IRF2: variants seen among roughly 807,000 people sequenced by gnomAD.
The protein encoded by IRF2 is interferon regulatory factor 2.
In IRF2, 15 loss-of-function variants were observed where a neutral mutation model predicts 40.6. The observed-to-expected ratio is 0.37, with a 90% CI of 0.25 to 0.57. IRF2 has a LOEUF of 0.57. IRF2 is among the 20% of genes least tolerant of loss of function. IRF2 has a pLI of 0.77. For missense variants in IRF2, 317 were observed against 455.7 expected, an observed-to-expected ratio of 0.70 and a Z score of 2.77; for synonymous variants, 151 against 165.5, an observed-to-expected ratio of 0.91 and a Z score of 0.67.
chr4:184,430,319 GT>G lies in IRF2; in HGVS notation c.-6-1250del, dbSNP rs1487513596. Among the ~76,000 whole-genome samples the G allele has an allele frequency of 4.3e-3, 607 of 142,042 alleles. 3 individuals are homozygous for G. Among genetic ancestry groups the G allele is most frequent in the African/African-American group, 0.015 (582 of 39,112 alleles). 93.2% of individuals were successfully genotyped at this position (142,042 alleles called of 152,430 possible). On this transcript the variant is annotated intron_variant, in intron 1 of 8. Coordinates refer to ENST00000393593, the MANE Select transcript of IRF2 (RefSeq NM_002199.4). ...GCCTTTTCCTTGTATGCCTCCTGCA[GT>G]CTGGCCCAGCCTTTTCCTTGTATGC... is the stretch of plus-strand genomic sequence containing the variant.
chr4:184,439,418 G>C (rs1738215191), intron 1 of IRF2, among the ~76,000 whole-genome samples: 1 of 146,536 alleles, frequency 6.8e-6, no homozygotes, highest in Non-Finnish European at 1.5e-5. Flanking sequence ...TATTATCCTA[G>C]AATAATTTTG....
intron 2 of IRF2, among the ~76,000 whole-genome samples, chr4:184,421,263 C>G (rs1408302857): frequency 2.0e-5 from 3 of 152,084 alleles, no homozygotes; most frequent in African/African-American, 7.2e-5. Flanking sequence ...TTCCCAAAAC[C>G]TGTTAAAAGG....
intron 1 of IRF2, chr4:184,472,030 C>A (rs1739528935): frequency 6.6e-6 from 1 of 152,176 alleles, no homozygotes; most frequent in South Asian, 2.1e-4. Context: ...ACATAACAGA[C>A]AAAGTTACAA....
intron 2 of IRF2, among the ~76,000 whole-genome samples, chr4:184,425,202 T>A (rs1737623749): frequency 6.6e-6 from 1 of 152,194 alleles, no homozygotes; most frequent in African/African-American, 2.4e-5. Flanking sequence ...TGGAATGACC[T>A]CAAACCACTC....
intron 1 of IRF2, among the ~76,000 whole-genome samples, chr4:184,462,846 T>G (rs1167078216): frequency 6.6e-6 from 1 of 152,258 alleles, no homozygotes; most frequent in African/African-American, 2.4e-5. Context: ...AAACTAGATC[T>G]GTGCCACCCT....
At chr4:184,460,434 C>A (rs58520796) in intron 1 of IRF2, among the ~76,000 whole-genome samples, 20,462 of 152,100 alleles carry the variant, frequency 0.13, 1,433 homozygotes, top group Middle Eastern at 0.19. Flanking sequence ...ATTAACGTCA[C>A]CAAATTATAC....
intron 1 of IRF2, among the ~76,000 whole-genome samples, chr4:184,466,157 TCTC>T (rs1739312425): frequency 1.3e-5 from 2 of 151,838 alleles, no homozygotes; most frequent in African/African-American, 4.8e-5. Flanking sequence ...TTCAAGCGAT[TCTC>T]CTGCCTCAGC....
intron 1 of IRF2, among the ~76,000 whole-genome samples, chr4:184,440,939 A>G (rs754362844): frequency 3.3e-5 from 5 of 152,198 alleles, no homozygotes; most frequent in Non-Finnish European, 5.9e-5. Context: ...TGGCTGGGCT[A>G]CTAGCTGTGC....
chr4:184,392,916 C>T (rs759739809), intron 7 of IRF2, among the ~76,000 whole-genome samples: 24 of 152,210 alleles, frequency 1.6e-4, no homozygotes, highest in South Asian at 1.2e-3. Context: ...CAAAACACCC[C>T]GTGCTGGGAG....
At chr4:184,422,996 T>C (rs1737537200) in intron 2 of IRF2, among the ~76,000 whole-genome samples, 1 of 152,232 alleles carries the variant, frequency 6.6e-6, no homozygotes, top group Non-Finnish European at 1.5e-5. Context: ...AAAAGACTAA[T>C]AAACTTATCA....
chr4:184,408,089 T>A lies in IRF2; in HGVS notation c.529+69A>T, dbSNP rs1736926872. On this transcript the variant is annotated intron_variant, in intron 6 of 8. Transcript: ENST00000393593. This position sits in a 1 kb window ranked among gnomAD's most constrained non-coding sequence, Gnocchi z 4.9. The stretch of plus-strand genomic sequence containing the variant: ...ACTGACTATGTTATTTGAAGTTCTC[T>A]GTTTTACAAATTTTAGGCCCCAGGG... 1 of 857,590 alleles carries A rather than the reference T, an allele frequency of 1.2e-6. No individual in the cohort carries two copies. Among genetic ancestry groups the A allele is most frequent in the Admixed American group, 2.0e-5 (1 of 50,110 alleles). The allele number at this position is 857,590 out of a possible 1,614,324, so 53.1% of individuals were successfully genotyped here.
intron 2 of IRF2, among the ~76,000 whole-genome samples, chr4:184,425,745 AT>A (rs1452783040): frequency 6.6e-6 from 1 of 152,232 alleles, no homozygotes; most frequent in Admixed American, 6.5e-5. Context: ...ACAAAGGGAA[AT>A]CCATTTGCCT....
In IRF2 at chr4:184,413,608, G is replaced by C. The variant is rs1444129948; in HGVS notation, c.411+4559C>G. ...AGAAAGAGCAGCCGAACCCCTATCT[G>C]CTTTTCTGTAACTTCTACCCATAGG... On this transcript the variant is annotated intron_variant, in intron 5 of 8. Coordinates refer to ENST00000393593, the MANE Select transcript of IRF2 (RefSeq NM_002199.4). The surrounding 1 kb of genome is among the most constrained non-coding windows in gnomAD (Gnocchi z 4.2). Among the ~76,000 whole-genome samples, 1 of 152,164 alleles carries C rather than the reference G, an allele frequency of 6.6e-6. No homozygotes were observed. Among genetic ancestry groups the C allele is most frequent in the Non-Finnish European group, 1.5e-5 (1 of 68,026 alleles).
intron 6 of IRF2, among the ~76,000 whole-genome samples, chr4:184,406,386 C>T (rs1026925826): frequency 4.6e-5 from 7 of 151,946 alleles, no homozygotes; most frequent in East Asian, 1.9e-4. Context: ...CCTGCCACCA[C>T]GCCCAGCTAA....
chr4:184,414,144 A>T (rs1354447351), intron 5 of IRF2, among the ~76,000 whole-genome samples: 1 of 152,246 alleles, frequency 6.6e-6, no homozygotes, highest in Non-Finnish European at 1.5e-5. Flanking sequence ...TCACAGGGAG[A>T]ACTCAGTGAG....
At chr4:184,428,739 C>T in intron 2 of IRF2, 1 of 557,678 alleles carries the variant, frequency 1.8e-6, no homozygotes, top group Non-Finnish European at 3.4e-6. Flanking sequence ...GTCGAGGCTG[C>T]AGTGAGTTAT....
chr4:184,397,752 G>A (rs1736520805), intron 7 of IRF2, among the ~76,000 whole-genome samples: 1 of 152,122 alleles, frequency 6.6e-6, no homozygotes, highest in Admixed American at 6.5e-5. Flanking sequence ...TCCCAGGATG[G>A]GGACTCTGCT....
chr4:184,437,221 A>G (rs942648074), intron 1 of IRF2, among the ~76,000 whole-genome samples: 1 of 152,062 alleles, frequency 6.6e-6, no homozygotes, highest in African/African-American at 2.4e-5. Context: ...ACGCCCAGCT[A>G]ATTTTTTTGT....
intron 1 of IRF2, among the ~76,000 whole-genome samples, chr4:184,456,940 G>A (rs981819022): frequency 7.9e-5 from 12 of 152,218 alleles, no homozygotes; most frequent in African/African-American, 2.7e-4. Flanking sequence ...GGGAAGTGAA[G>A]AGTCCGGCAA....
Sources: gnomAD v4.1 joint callset for allele counts (sites outside exome capture counted in the v4.1 genomes callset) on GRCh38, gnomAD v4.1.1 for gene constraint, Gnocchi (gnomAD v3.1) non-coding constraint, MANE v1.5 for transcripts, NCBI Gene and HGNC (gene_info 2026-07-23, HGNC 2026-07-21) for gene names.